Variants in FGF13 observed in about 807,000 individuals in gnomAD.
FGF13 encodes fibroblast growth factor homologous factor 2.
A neutral mutation model predicts 19.5 loss-of-function variants in FGF13; 2 were observed. The ratio of observed to expected loss-of-function variants is 0.10; its 90% CI spans 0.04 to 0.32. FGF13 has a LOEUF of 0.32. Ranked by LOEUF, FGF13 falls within the 10% of genes least tolerant of loss-of-function variation. FGF13 has a pLI of 1.00. For missense variants in FGF13, 113 were observed against 192.7 expected, an observed-to-expected ratio of 0.59 and a Z score of 2.45; for synonymous variants, 72 against 76.9, an observed-to-expected ratio of 0.94 and a Z score of 0.33.
chrX:139,028,630 AGAGAGTGT>A (rs2092211751), intron 1 of FGF13, among the ~76,000 whole-genome samples: 1 of 36,758 alleles, frequency 2.7e-5, no homozygotes, highest in African/African-American at 9.1e-5. Flanking sequence ...AGAGAGAGAG[AGAGAGTGT>A]GTGTGTGTGT....
intron 1 of FGF13, among the ~76,000 whole-genome samples, chrX:138,893,976 C>A (rs2091490167): frequency 9.0e-6 from 1 of 111,422 alleles, no homozygotes; most frequent in Admixed American, 9.5e-5. Context: ...GTCTACCATA[C>A]CTTACGAGGT....
Position 138,720,458 on chromosome X carries a change from T to C in FGF13, c.29-11530A>G, listed in dbSNP as rs911386375. ...TGTAGGGAGTGGTGGAGTCAGAATT[T>C]AAATTTGTGCATACTGCCTTTATAT... is the stretch of plus-strand genomic sequence containing the variant. On this transcript the variant is annotated intron_variant, in intron 1 of 4. Coordinates refer to the FGF13 transcript ENST00000305414. Among the ~76,000 whole-genome samples, 4 of 111,881 alleles carry C rather than the reference T, an allele frequency of 3.6e-5. No individual in the cohort carries two copies. In the East Asian group the frequency reaches 1.1e-3, roughly 31 times the overall value.
In FGF13 at chrX:139,022,662, A is replaced by C. The variant is rs56799161; in HGVS notation, c.-112-158012T>G. Among the ~76,000 whole-genome samples, 1,063 of 111,194 alleles carry C rather than the reference A, an allele frequency of 9.6e-3. 10 individuals are homozygous for C. Among genetic ancestry groups the C allele is most frequent in the African/African-American group, 0.032 (987 of 30,635 alleles). ...CGACCACCAGAAGCATCTAAGATGTACCCACCAAGGATAGCAACCCAAAGT... is the reference window on the plus strand; with the variant it reads ...CGACCACCAGAAGCATCTAAGATGTCCCCACCAAGGATAGCAACCCAAAGT... On this transcript the variant is annotated intron_variant, in intron 1 of 2. Transcript: ENST00000421460.
chrX:138,790,299 C>T (rs1052592460), intron 3 of FGF13, among the ~76,000 whole-genome samples: 1 of 108,651 alleles, frequency 9.2e-6, no homozygotes, highest in African/African-American at 3.4e-5. Context: ...AATCACATCA[C>T]GAGGACTCTA....
intron 1 of FGF13, among the ~76,000 whole-genome samples, chrX:139,017,178 G>A (rs1274330175): frequency 9.2e-6 from 1 of 108,342 alleles, no homozygotes; most frequent in African/African-American, 3.4e-5. Context: ...GGAGATGGGG[G>A]GATCAAACTT....
intron 1 of FGF13, among the ~76,000 whole-genome samples, chrX:139,124,929 C>G (rs188257867): frequency 9.0e-6 from 1 of 111,630 alleles, no homozygotes; most frequent in African/African-American, 3.3e-5. Context: ...CATGGTTCCC[C>G]TAGGAAGAGG....
chrX:138,697,476 T>G (rs986800907), intron 3 of FGF13, among the ~76,000 whole-genome samples: 2 of 109,505 alleles, frequency 1.8e-5, no homozygotes, highest in African/African-American at 6.6e-5. Flanking sequence ...TCTAGTTTGC[T>G]ATGGTAGTCC....
chrX:138,666,370 T>C (rs1294547655), intron 3 of FGF13, among the ~76,000 whole-genome samples: 1 of 111,863 alleles, frequency 8.9e-6, no homozygotes, highest in Non-Finnish European at 1.9e-5. Flanking sequence ...AGGAAATTCA[T>C]GAGAAAGCTA....
intron 1 of FGF13, among the ~76,000 whole-genome samples, chrX:138,915,002 T>C (rs1172498568): frequency 9.0e-6 from 1 of 111,105 alleles, no homozygotes; most frequent in Non-Finnish European, 1.9e-5. Context: ...AGCCTGGGCA[T>C]AGAGTAAGCT....
chrX:138,942,546 C>T (rs957769052), intron 1 of FGF13, among the ~76,000 whole-genome samples: 3 of 111,738 alleles, frequency 2.7e-5, no homozygotes, highest in Admixed American at 9.5e-5. Flanking sequence ...ATGTCCTTTT[C>T]GGTTTTTCTC....
intron 1 of FGF13, among the ~76,000 whole-genome samples, chrX:138,983,996 A>G (rs2091975552): frequency 8.9e-6 from 1 of 112,249 alleles, no homozygotes; most frequent in African/African-American, 3.2e-5. Flanking sequence ...GTCTCATGGT[A>G]AGTATTCTTA....
intron 1 of FGF13, among the ~76,000 whole-genome samples, chrX:139,003,608 C>T (rs2092085226): frequency 1.6e-5 from 1 of 60,844 alleles, no homozygotes; most frequent in African/African-American, 5.2e-5. Context: ...AAGTCCCCAT[C>T]AGATTAGTTA....
chrX:139,152,717 GC>G (rs1050087118), intron 1 of FGF13, among the ~76,000 whole-genome samples: 6 of 110,883 alleles, frequency 5.4e-5, no homozygotes, highest in African/African-American at 2.0e-4. Context: ...TCTTCTTGAT[GC>G]CCCCCAGACC....
rs781532316 is a variant in FGF13 at position 138,737,999 on chromosome X, CT to C, written c.28+1242del. Among the ~76,000 whole-genome samples the C allele has an allele frequency of 3.5e-3, 393 of 112,210 alleles. 1 individual carries two copies. The highest frequency in any genetic ancestry group is 0.012 in the African/African-American group (369 of 30,927). On this transcript the variant is annotated intron_variant, in intron 1 of 4. Coordinates refer to the FGF13 transcript ENST00000305414. ...TTGATGTACTAATCTTTCAAATAAG[CT>C]TTTTTTCTCTCTCAATTTTATGGGG...
chrX:138,864,105 G>A (rs960061735), intron 2 of FGF13, among the ~76,000 whole-genome samples: 2 of 111,685 alleles, frequency 1.8e-5, no homozygotes, highest in East Asian at 2.8e-4. Flanking sequence ...CCCAATCCCC[G>A]CCCTGACAAC....
chrX:139,083,677 C>A (rs1342870907), intron 1 of FGF13, among the ~76,000 whole-genome samples: 1 of 110,494 alleles, frequency 9.1e-6, no homozygotes, highest in African/African-American at 3.3e-5. Flanking sequence ...TTGAGACCCT[C>A]CTGGCCAACA....
chrX:138,981,922 A>G (rs2091965410), intron 1 of FGF13, among the ~76,000 whole-genome samples: 1 of 111,271 alleles, frequency 9.0e-6, no homozygotes, highest in South Asian at 3.8e-4. Flanking sequence ...CAAGGATCAC[A>G]CTGGACATCT....
chrX:138,862,279 G>A (rs1040590991), intron 2 of FGF13, among the ~76,000 whole-genome samples: 1 of 111,702 alleles, frequency 9.0e-6, no homozygotes, highest in African/African-American at 3.3e-5. Context: ...ATTATTTGAT[G>A]ATGATGCTGT....
chrX:139,118,590 A>G (rs925841035), intron 1 of FGF13, among the ~76,000 whole-genome samples: 1 of 111,592 alleles, frequency 9.0e-6, no homozygotes, highest in Admixed American at 9.5e-5. Flanking sequence ...ATAGGCTATC[A>G]CTAGAGAAAT....
Sources: allele counts gnomAD v4.1 joint callset (sites outside exome capture counted in the v4.1 genomes callset), GRCh38; gene constraint gnomAD v4.1.1; transcripts MANE v1.5; gene names NCBI Gene and HGNC (gene_info 2026-07-23, HGNC 2026-07-21).